The following ANO1 variants were observed in gnomAD, a reference collection of about 807,000 sequenced individuals.
The protein encoded by ANO1 is anoctamin 1.
In ANO1, 59 loss-of-function variants were observed where a neutral mutation model predicts 124.0. That is an observed-to-expected ratio of 0.48 (90% CI 0.39 to 0.59). ANO1 has a LOEUF of 0.59. ANO1 is among the 20% of genes least tolerant of loss of function. ANO1 has a pLI of 0.00. For missense variants in ANO1, 1,059 were observed against 1,328.0 expected (o/e 0.80, Z 3.15); for synonymous variants, 529 against 532.0 (o/e 0.99, Z 0.08).
chr11:70,128,480 G>A (rs987651401), intron 10 of ANO1, among the ~76,000 whole-genome samples: 5 of 152,252 alleles, frequency 3.3e-5, no homozygotes, highest in Non-Finnish European at 5.9e-5. Context: ...CCAGCAGGGA[G>A]GCTCTGCCAG....
In ANO1 at chr11:70,131,976, C is replaced by T. The variant is rs1366523650; in HGVS notation, c.1155C>T (p.Thr385=). The T allele has an allele frequency of 6.2e-6, 10 of 1,610,614 alleles. No homozygotes were observed. The highest frequency in any genetic ancestry group is 8.5e-6 in the Non-Finnish European group (10 of 1,179,734). ...NITMCPLCDK[T]CSYWKMSSAC... is the part of the protein sequence containing the mutation. ...CCATGTGCCCGCTTTGCGACAAGAC[C>T]TGCAGCTACTGGAAGATGAGCTCAG... Residue 385 remains threonine (T), a synonymous_variant, in exon 11 of 26, where the codon ACC becomes ACT. Coordinates refer to ENST00000355303, the MANE Select transcript of ANO1 (RefSeq NM_018043.7).
chr11:70,188,201 G>T lies in ANO1; in HGVS notation c.*197G>T, dbSNP rs1368890610. ...CCTTGTTTTTGCACAAAGCCATTAT[G>T]CAGGGAATATTTTTTAATCTGTAGT... On this transcript the variant is annotated 3_prime_UTR_variant, in exon 26 of 26. Coordinates refer to ENST00000355303, the MANE Select transcript of ANO1 (RefSeq NM_018043.7). 5 of 669,730 alleles carry T rather than the reference G, an allele frequency of 7.5e-6. No individual in the cohort carries two copies. The highest frequency in any genetic ancestry group is 1.2e-5 in the Non-Finnish European group (5 of 403,096). 41.5% of individuals were successfully genotyped at this position (669,730 alleles called of 1,614,324 possible). A position where few individuals can be genotyped will look rare whatever the true frequency, so the allele number is the denominator to read the frequency against.
At chr11:70,119,962 C>A (rs934383207) in intron 8 of ANO1, among the ~76,000 whole-genome samples, 1 of 152,038 alleles carries the variant, frequency 6.6e-6, no homozygotes, top group Non-Finnish European at 1.5e-5. Context: ...TGTTTGGGTC[C>A]TAACTCAGAG....
intron 1 of ANO1, among the ~76,000 whole-genome samples, chr11:70,031,561 A>G (rs1857001233): frequency 6.6e-6 from 1 of 152,116 alleles, no homozygotes; most frequent in Non-Finnish European, 1.5e-5. Flanking sequence ...CAACCTTACT[A>G]GATTGCACAC....
chr11:70,032,723 C>T (rs1222097832), intron 1 of ANO1, among the ~76,000 whole-genome samples: 1 of 152,144 alleles, frequency 6.6e-6, no homozygotes, highest in African/African-American at 2.4e-5. Flanking sequence ...TTAACCTCAT[C>T]TGTTCATCTG....
At chr11:70,145,525 C>T (rs2047336690) in intron 11 of ANO1, among the ~76,000 whole-genome samples, 1 of 152,170 alleles carries the variant, frequency 6.6e-6, no homozygotes, top group African/African-American at 2.4e-5. Flanking sequence ...TCCACCCCAC[C>T]CCCAGCCGCC....
At chr11:70,050,257 A>G (rs1227361075) in intron 1 of ANO1, among the ~76,000 whole-genome samples, 1 of 152,194 alleles carries the variant, frequency 6.6e-6, no homozygotes, top group East Asian at 1.9e-4. Flanking sequence ...AGAGCTGTTT[A>G]GTACCTGTCA....
chr11:70,045,557 C>T (rs1214199474), intron 1 of ANO1, among the ~76,000 whole-genome samples: 2 of 152,182 alleles, frequency 1.3e-5, no homozygotes, highest in Admixed American at 6.5e-5. Flanking sequence ...CCAGGCCAGG[C>T]CACCAGGGCA....
rs114825990 is a variant in ANO1, at chr11:70,139,971, G to A, written c.1258+7892G>A. 8.1e-3 allele frequency among the ~76,000 whole-genome samples: 1,235 copies of A among 152,216 alleles called. 14 individuals are homozygous for A. Among genetic ancestry groups the A allele is most frequent in the African/African-American group, 0.028 (1,144 of 41,538 alleles). On this transcript the variant is annotated intron_variant, in intron 11 of 25. Transcript: ENST00000355303. ...TTCTCTCACCTAGAGTAGTTTCCCC[G>A]TCTGACTCCACAAAAATACACCTCC... is the stretch of plus-strand genomic sequence containing the variant.
intron 11 of ANO1, among the ~76,000 whole-genome samples, chr11:70,133,950 C>T (rs1048476964): frequency 6.6e-6 from 1 of 152,316 alleles, no homozygotes; most frequent in African/African-American, 2.4e-5. Context: ...CCTACCCTTC[C>T]GGAGACCCGG....
intron 22 of ANO1, among the ~76,000 whole-genome samples, chr11:70,172,119 T>TAAAAAAA (rs367908728): frequency 1.7e-5 from 2 of 120,502 alleles, no homozygotes; most frequent in African/African-American, 3.1e-5. Context: ...GAACCTGTCT[T>TAAAAAAA]AAAAAAAAAA....
intron 2 of ANO1, among the ~76,000 whole-genome samples, chr11:70,095,411 AAAG>A (rs879829073): frequency 0.12 from 3,288 of 28,326 alleles, 407 homozygotes; most frequent in Non-Finnish European, 0.15. Context: ...AGAAAGAAAG[AAAG>A]AAAGAAAGAA....
In ANO1 at chr11:70,056,966, C is replaced by A. The variant is rs962529983; in HGVS notation, c.59-21576C>A. 3.3e-5 allele frequency among the ~76,000 whole-genome samples: 5 copies of A among 151,710 alleles called. 1 individual carries two copies. The highest frequency in any genetic ancestry group is 4.9e-5 in the African/African-American group (2 of 41,200). ...AATTCTCATTTTTGGCTTTGGAATT[C>A]CCATGGATTCTATCTGTACATTCTC... On this transcript the variant is annotated intron_variant, in intron 1 of 27. Transcript: ENST00000531349.
chr11:70,152,471 T>C lies in ANO1; in HGVS notation c.1353+10T>C. 2 of 1,612,710 alleles carry C rather than the reference T, an allele frequency of 1.2e-6. No homozygotes were observed. Among genetic ancestry groups the C allele is most frequent in the South Asian group, 2.2e-5 (2 of 90,780 alleles). ...GAAGGAGGCTGTCAAGGTTTGGAAC[T>C]TTTTGTCGCTCCTCTATCTTCCCAC... On this transcript the variant is annotated intron_variant, in intron 13 of 25. Coordinates refer to ENST00000355303, the MANE Select transcript of ANO1 (RefSeq NM_018043.7).
At chr11:69,979,970 T>A in the ANO1 span, among the ~76,000 whole-genome samples, 89 of 152,212 alleles carry the variant, frequency 5.8e-4, 1 homozygote, top group African/African-American at 2.1e-3. Context: ...TCCCAGGGAA[T>A]TGAATAACAT....
intron 22 of ANO1, among the ~76,000 whole-genome samples, chr11:70,178,566 CTTT>C (rs35759051): frequency 1.1e-4 from 16 of 141,232 alleles, no homozygotes; most frequent in East Asian, 2.1e-4. Context: ...GGGTATTTCT[CTTT>C]TTTTTTTTTT....
At chr11:69,994,436 A>G (rs1289177984) in intron 1 of ANO1, among the ~76,000 whole-genome samples, 1 of 152,064 alleles carries the variant, frequency 6.6e-6, no homozygotes. Context: ...AAATGAATGG[A>G]TAGAGAGATG....
intron 10 of ANO1, among the ~76,000 whole-genome samples, chr11:70,128,290 G>T (rs2046605047): frequency 6.6e-6 from 1 of 152,168 alleles, no homozygotes; most frequent in Non-Finnish European, 1.5e-5. Flanking sequence ...GGGCACTTGG[G>T]TTTGGTTGTG....
In ANO1 at chr11:70,188,279, G is replaced by T; in HGVS notation, c.*275G>T. On this transcript the variant is annotated 3_prime_UTR_variant, in exon 26 of 26. Transcript: ENST00000355303. ...GTAATACGGCAATAAGGTAGCAAAG[G>T]CAGGTGCTTTGCAGAAAGAATGCTT... The T allele has an allele frequency of 2.0e-6, 1 of 499,806 alleles. No individual in the cohort carries two copies. The highest frequency in any genetic ancestry group is 3.5e-5 in the East Asian group (1 of 28,752). 31.0% of individuals were successfully genotyped at this position (499,806 alleles called of 1,614,324 possible). A position where few individuals can be genotyped will look rare whatever the true frequency, so the allele number is the denominator to read the frequency against.
Sources: gnomAD v4.1 joint callset for allele counts (sites outside exome capture counted in the v4.1 genomes callset) on GRCh38, gnomAD v4.1.1 for gene constraint, MANE v1.5 for transcripts, NCBI Gene and HGNC (gene_info 2026-07-23, HGNC 2026-07-21) for gene names.